TRAPPC14: variants seen among roughly 807,000 people sequenced by gnomAD.
The protein encoded by TRAPPC14 is microtubule associated protein 11.
TRAPPC14 carries 24 observed loss-of-function variants against 56.6 expected under a neutral mutation model. That is an observed-to-expected ratio of 0.42 (90% CI 0.31 to 0.60). TRAPPC14 has a LOEUF of 0.60. Among genes scored for constraint, TRAPPC14 ranks in the 20% least tolerant of loss-of-function variants. The pLI is 0.14. For synonymous variants in TRAPPC14, 377 were observed against 347.0 expected, an observed-to-expected ratio of 1.09 and a Z score of -0.96; for missense variants, 615 against 790.3, an observed-to-expected ratio of 0.78 and a Z score of 2.66.
chr7:100,155,235 C>G (rs1173183323), intron 10 of TRAPPC14, 27 bp downstream of exon 10: 9 of 1,588,822 alleles, frequency 5.7e-6, no homozygotes, highest in African/African-American at 1.3e-5. Flanking sequence ...TCTACCCGGT[C>G]CCATGCCACG....
rs749789024 is a variant in TRAPPC14, at chr7:100,155,185, TG to T, written c.1590-22del. 2.5e-6 allele frequency: 4 copies of T among 1,609,058 alleles called. No individual in the cohort carries two copies. The Admixed American group carries it at 6.7e-5, about 27-fold the overall frequency. ...CCGACCTGGGGGAAGGCAGAGGCTG[TG>T]GGCGCTGGTCAGACCCGGCACCCTC... is the stretch of plus-strand genomic sequence containing the variant. On this transcript the variant is annotated intron_variant, in intron 10 of 10. Coordinates refer to ENST00000316937, the MANE Select transcript of TRAPPC14 (RefSeq NM_018275.5).
At chr7:100,155,603 G>T in intron 9 of TRAPPC14, 68 bp downstream of exon 9, 2 of 1,520,498 alleles carry the variant, frequency 1.3e-6, no homozygotes, top group South Asian at 2.6e-5. Flanking sequence ...AAAATCTAAG[G>T]GTCCTGCCTC....
chr7:100,157,041 G>C, intron 5 of TRAPPC14, 49 bp from the exon 6 acceptor site: 1 of 1,613,930 alleles, frequency 6.2e-7, no homozygotes, highest in Non-Finnish European at 8.5e-7. Flanking sequence ...CCAGAGCTCA[G>C]CCCCTGAAGC....
At position 100,157,025 on chromosome 7, in the gene TRAPPC14, C is replaced by G. The variant is rs560742309; in HGVS notation, c.846-33G>C. 1.8e-5 allele frequency: 29 copies of G among 1,613,882 alleles called. 1 individual carries two copies. In the South Asian group the frequency reaches 2.9e-4, roughly 16 times the overall value. ...AGAAAAGAGGACAAGGCATGGTCTC[C>G]CCATGCCAGAGCTCAGCCCCTGAAG... On this transcript the variant is annotated intron_variant, in intron 5 of 10. Coordinates refer to ENST00000316937, the MANE Select transcript of TRAPPC14 (RefSeq NM_018275.5).
chr7:100,156,679 G>C lies in TRAPPC14; in HGVS notation c.1031C>G (p.Ser344Cys). The C allele has an allele frequency of 6.2e-7, 1 of 1,612,844 alleles. No homozygotes were observed. The highest frequency in any genetic ancestry group is 8.5e-7 in the Non-Finnish European group (1 of 1,179,350). ...EVPLIAVVQW[S>C]TPKLPFTQSI... ...CTGAGTGAAGGGCAGCTTTGGGGTA[G>C]ACCACTGAACCACAGCAATCAGGGG... Residue 344 changes from serine to cysteine, a missense_variant, in exon 7 of 11, where the codon TCT (serine) becomes TGT (cysteine). Coordinates refer to ENST00000316937, the MANE Select transcript of TRAPPC14 (RefSeq NM_018275.5).
At position 100,157,108 on chromosome 7, in the gene TRAPPC14, C is replaced by A; in HGVS notation, c.831G>T (p.Leu277=). 6.2e-7 allele frequency: 1 copy of A among 1,614,202 alleles called. No individual in the cohort carries two copies. Among genetic ancestry groups the A allele is most frequent in the Non-Finnish European group, 8.5e-7 (1 of 1,180,034 alleles). The change falls in exon 5 of 11, where the codon CTG becomes CTT. Residue 277 remains leucine (L), a synonymous_variant. Coordinates refer to ENST00000316937, the MANE Select transcript of TRAPPC14 (RefSeq NM_018275.5). ...CAGGACCTCACCAGACATTGTCCAC[C>A]AGCAGCACAGAGCCATCGGGCATGA... ...LPVMPDGSVL[L]VDNVCHQSGE...
At chr7:100,157,551 T>C (rs995201774) in intron 3 of TRAPPC14, 82 bp downstream of exon 3, 3 of 1,606,506 alleles carry the variant, frequency 1.9e-6, no homozygotes, top group African/African-American at 2.7e-5. Flanking sequence ...CAGAGCCCAT[T>C]AGCCACTTTC....
At chr7:100,155,944 T>G (rs762898162) in intron 8 of TRAPPC14, 119 bp from the exon 9 acceptor site, 1 of 1,302,754 alleles carries the variant, frequency 7.7e-7, no homozygotes, top group South Asian at 1.2e-5. Context: ...GAGCAAACGT[T>G]ATCTTTTGTG....
rs1798936579 is a variant in TRAPPC14, at chr7:100,158,539, G to A, written c.-40C>T. The A allele has an allele frequency of 7.7e-7, 1 of 1,302,470 alleles. No individual in the cohort carries two copies. Among genetic ancestry groups the A allele is most frequent in the Non-Finnish European group, 9.7e-7 (1 of 1,027,196 alleles). 80.7% of individuals were successfully genotyped at this position (1,302,470 alleles called of 1,614,324 possible). Reference sequence around the variant, plus strand: ...GGCGCGACTGGGAGCCCGGACCGGAGGCCGACCGCCGGCGGGGCCCGCTAG... The same window carrying A: ...GGCGCGACTGGGAGCCCGGACCGGAAGCCGACCGCCGGCGGGGCCCGCTAG... On this transcript the variant is annotated 5_prime_UTR_variant, in exon 1 of 11. Coordinates refer to ENST00000316937, the MANE Select transcript of TRAPPC14 (RefSeq NM_018275.5).
chr7:100,155,019 CG>C lies in TRAPPC14; in HGVS notation c.1734del (p.Val579SerfsTer51), dbSNP rs776044495. 9 of 1,614,102 alleles carry C rather than the reference CG, an allele frequency of 5.6e-6. No homozygotes were observed. Among genetic ancestry groups the C allele is most frequent in the East Asian group, 2.2e-5 (1 of 44,886 alleles). ...ACAGAGCTGGCACGGTGCTACTTGA[CG>C]GGTTCCACCACCAGGACCTTGCACT... ...KRECKVLVVE[P>X]VK On this transcript the variant is annotated frameshift_variant, in exon 11 of 11. Coordinates refer to ENST00000316937, the MANE Select transcript of TRAPPC14 (RefSeq NM_018275.5). LOFTEE classifies it high-confidence loss of function.
In TRAPPC14 at chr7:100,154,803, G is replaced by A. The variant is rs914638617; in HGVS notation, c.*208C>T. The A allele has an allele frequency of 4.0e-5, 24 of 603,188 alleles. No homozygotes were observed. Among genetic ancestry groups the A allele is most frequent in the Non-Finnish European group, 6.8e-5 (23 of 340,172 alleles). The allele number at this position is 603,188 out of a possible 1,614,324, so 37.4% of individuals were successfully genotyped here. On this transcript the variant is annotated 3_prime_UTR_variant, in exon 11 of 11. Coordinates refer to ENST00000316937, the MANE Select transcript of TRAPPC14 (RefSeq NM_018275.5). ...CCAGCCCCCCCCACAGGAACTCGGGGAATACTGGTGGCTTAGTCCCAGCCA... is the reference window on the plus strand; with the variant it reads ...CCAGCCCCCCCCACAGGAACTCGGGAAATACTGGTGGCTTAGTCCCAGCCA...
intron 7 of TRAPPC14, 28 bp from the exon 8 acceptor site, chr7:100,156,577 C>G: frequency 6.2e-7 from 1 of 1,612,882 alleles, no homozygotes; most frequent in South Asian, 1.1e-5. Flanking sequence ...GGGATGCTGG[C>G]TGTGTGTGTC....
In TRAPPC14 at chr7:100,154,917, G is replaced by A. The variant is rs1798841718; in HGVS notation, c.*94C>T. ...GCCAGGCCTCTTCACCCCCGTCTGG[G>A]AGGCATCCCAGGGGAGGCACAGCCC... is the stretch of plus-strand genomic sequence containing the variant. On this transcript the variant is annotated 3_prime_UTR_variant, in exon 11 of 11. Transcript: ENST00000316937. 1.6e-5 allele frequency: 21 copies of A among 1,282,962 alleles called. No individual in the cohort carries two copies. The highest frequency in any genetic ancestry group is 2.2e-5 in the Non-Finnish European group (19 of 883,526). 79.5% of individuals were successfully genotyped at this position (1,282,962 alleles called of 1,614,324 possible). A position where few individuals can be genotyped will look rare whatever the true frequency, so the allele number is the denominator to read the frequency against.
chr7:100,156,279 G>A, intron 8 of TRAPPC14, 107 bp downstream of exon 8: 7 of 1,188,302 alleles, frequency 5.9e-6, no homozygotes, highest in Non-Finnish European at 8.4e-6. Flanking sequence ...CGCCTCCTGT[G>A]ATGGGGCTGG....
At position 100,156,423 on chromosome 7, in the gene TRAPPC14, A is replaced by G. The variant is rs1476267478; in HGVS notation, c.1203T>C (p.Ala401=). The change falls in exon 8 of 11, where the codon GCT becomes GCC. Residue 401 remains alanine (A), a synonymous_variant. Coordinates refer to ENST00000316937, the MANE Select transcript of TRAPPC14 (RefSeq NM_018275.5). ...GCTCTGGGGTCCACACGAGCCTCAC[A>G]GCAAGGAAGTCTTGGAGATTGTTAA... The part of the protein sequence containing the change: ...TLLNNLQDFL[A]VRLVWTPEHA... The G allele has an allele frequency of 3.7e-6, 6 of 1,614,216 alleles. No homozygotes were observed. The South Asian group carries it at 5.5e-5, about 15-fold the overall frequency.
In TRAPPC14 at chr7:100,155,104, G is replaced by A; in HGVS notation, c.1650C>T (p.Arg550=). 1 of 1,613,848 alleles carries A rather than the reference G, an allele frequency of 6.2e-7. No individual in the cohort carries two copies. The highest frequency in any genetic ancestry group is 8.5e-7 in the Non-Finnish European group (1 of 1,179,786). ...CCTTGTCCGGGGGCAGGTAGAGGGG[G>A]CGGCCAACAGGAGAGGCCACAGGGG... The part of the protein sequence containing the change: ...ITPPVASPVG[R]PLYLPPDKAV... Residue 550 remains arginine (R), a synonymous_variant, in exon 11 of 11, where the codon CGC becomes CGT. Coordinates refer to ENST00000316937, the MANE Select transcript of TRAPPC14 (RefSeq NM_018275.5).
In TRAPPC14 at chr7:100,157,436, G is replaced by A; in HGVS notation, c.661C>T (p.Pro221Ser). Reference sequence around the variant, plus strand: ...TGCCGGCATCTCAGAACCGGAGGGGGCAGCAGAGTCAGCAGCGTGCTCACT... The same window carrying A: ...TGCCGGCATCTCAGAACCGGAGGGGACAGCAGAGTCAGCAGCGTGCTCACT... ...AQVSTLLTLL[P>S]PPVLRCRQFT... Residue 221 changes from proline (P) to serine (S), a missense_variant, in exon 4 of 11, where the codon CCC becomes TCC. Transcript: ENST00000316937. 1 of 1,613,730 alleles carries A rather than the reference G, an allele frequency of 6.2e-7. No individual in the cohort carries two copies. The highest frequency in any genetic ancestry group is 8.5e-7 in the Non-Finnish European group (1 of 1,180,020).
intron 10 of TRAPPC14, 40 bp from the exon 11 acceptor site, chr7:100,155,204 G>A: frequency 6.2e-7 from 1 of 1,606,466 alleles, no homozygotes; most frequent in Non-Finnish European, 8.5e-7. Context: ...GTCAGACCCG[G>A]CACCCTCGCT....
Position 100,154,892 on chromosome 7 carries a change from G to A in TRAPPC14, c.*119C>T. On this transcript the variant is annotated 3_prime_UTR_variant, in exon 11 of 11. Transcript: ENST00000316937. ...CAGCAGACACAAGACAGGCAGCTCT[G>A]CCAGGCCTCTTCACCCCCGTCTGGG... 1.0e-6 allele frequency: 1 copy of A among 969,138 alleles called. No homozygotes were observed. The allele number at this position is 969,138 out of a possible 1,614,324, so 60.0% of individuals were successfully genotyped here. A position where few individuals can be genotyped will look rare whatever the true frequency, so the allele number is the denominator to read the frequency against.
Sources: allele counts gnomAD v4.1 joint callset, GRCh38; gene constraint gnomAD v4.1.1; transcripts MANE v1.5; gene names NCBI Gene and HGNC (gene_info 2026-07-23, HGNC 2026-07-21).